The following SUN1 variants were observed in gnomAD, a reference collection of about 807,000 sequenced individuals.
SUN1 encodes the protein Sad1 and UNC84 domain containing 1.
Under a neutral mutation model 103.2 loss-of-function variants are expected in SUN1, and 61 were observed. The ratio of observed to expected loss-of-function variants is 0.59; its 90% confidence interval spans 0.48 to 0.73. The LOEUF is 0.73. Among genes scored for constraint, SUN1 ranks in the 30% least tolerant of loss-of-function variants. The probability of loss-of-function intolerance (pLI) is 0.00; values close to 1 mark genes in which losing one functional copy is unlikely to be tolerated. For synonymous variants in SUN1, 490 were observed against 425.7 expected, an observed-to-expected ratio of 1.15 and a Z score of -1.86; for missense variants, 1,052 against 1,034.6, an observed-to-expected ratio of 1.02 and a Z score of -0.23.
At chr7:836,318 A>G (rs1038215596) in intron 1 of SUN1, among the ~76,000 whole-genome samples, 5 of 152,146 alleles carry the variant, frequency 3.3e-5, no homozygotes, top group Admixed American at 1.3e-4. Flanking sequence ...AGCAGGCAGG[A>G]AGGGTGTGTC....
chr7:870,409 G>GTGA (rs1840642311), intron 17 of SUN1, among the ~76,000 whole-genome samples: 1 of 151,984 alleles, frequency 6.6e-6, no homozygotes. Context: ...GGCCAAAATG[G>GTGA]TGAAACCCTG....
chr7:856,828 T>G (rs185328516), intron 12 of SUN1, among the ~76,000 whole-genome samples: 23 of 152,268 alleles, frequency 1.5e-4, no homozygotes, highest in Middle Eastern at 6.8e-3. Context: ...CAGCCTCATC[T>G]CTGCTGCTGC....
At position 873,844 on chromosome 7, in the gene SUN1, T is replaced by G. The variant is rs184605401; in HGVS notation, c.*513T>G. On this transcript the variant is annotated 3_prime_UTR_variant, in exon 19 of 19. Transcript: ENST00000401592. Reference sequence around the variant, plus strand: ...TTTTCCTTTTTTCAGCACCAGTAGGTACTAAGTCTCCAGATGGGGAAATAA... The same window carrying G: ...TTTTCCTTTTTTCAGCACCAGTAGGGACTAAGTCTCCAGATGGGGAAATAA... 425 of 153,332 alleles carry G rather than the reference T, an allele frequency of 2.8e-3. 3 individuals are homozygous for G. Among genetic ancestry groups the G allele is most frequent in the African/African-American group, 9.2e-3 (384 of 41,590 alleles). The allele number at this position is 153,332 out of a possible 1,614,324, so 9.5% of individuals were successfully genotyped here.
At chr7:830,996 C>G, upstream of SUN1, 1 of 985,466 alleles carries the variant, frequency 1.0e-6, no homozygotes, top group Non-Finnish European at 1.2e-6. Flanking sequence ...TACATTGGAT[C>G]CAGGCCAAGG....
intron 1 of SUN1, 92 bp from the exon 2 acceptor site, chr7:838,706 G>C (rs1293608820): frequency 3.0e-5 from 39 of 1,302,418 alleles, no homozygotes; most frequent in Non-Finnish European, 3.8e-5. Context: ...AAAATCCACA[G>C]TACATTGCAC....
intron 17 of SUN1, among the ~76,000 whole-genome samples, chr7:869,925 C>T (rs915650817): frequency 2.6e-5 from 4 of 151,838 alleles, no homozygotes; most frequent in Admixed American, 2.0e-4. Context: ...TTAAAAAATA[C>T]AGTTGAGCCT....
chr7:865,305 G>A (rs1057155909), intron 15 of SUN1, among the ~76,000 whole-genome samples: 3 of 151,214 alleles, frequency 2.0e-5, no homozygotes, highest in Non-Finnish European at 3.0e-5. Context: ...ATGGGGTTTT[G>A]CTATGGGGTT....
exon 1 of SUN1, chr7:816,650 G>C (rs1045486036): frequency 3.5e-6 from 1 of 285,790 alleles, no homozygotes; most frequent in South Asian, 2.6e-5. Context: ...CGCAGACGAG[G>C]CCTGAGGCGG....
intron 17 of SUN1, among the ~76,000 whole-genome samples, chr7:870,004 G>A (rs1319260539): frequency 6.6e-6 from 1 of 150,886 alleles, no homozygotes; most frequent in Admixed American, 6.6e-5. Flanking sequence ...GACCAGCCTG[G>A]CCAAGGTGGT....
At position 866,003 on chromosome 7, in the gene SUN1, C is replaced by T. The variant is rs537612139; in HGVS notation, c.1916C>T (p.Ala639Val). 44 of 1,614,124 alleles carry T rather than the reference C, an allele frequency of 2.7e-5. No individual in the cohort carries two copies. Among genetic ancestry groups the T allele is most frequent in the South Asian group, 5.5e-5 (5 of 91,074 alleles). ...RCSETYETKT[A>V]LMSLFGIPLW... The stretch of plus-strand genomic sequence containing the variant: ...TCTGAAACTTACGAAACCAAAACGG[C>T]GCTGATGAGTCTGTTTGGGATCCCG... The change falls in exon 16 of 19, where the codon GCG (alanine) becomes GTG (valine). Residue 639 changes from alanine (A) to valine (V), a missense_variant. By Grantham distance (64) the Ala-to-Val change is moderately conservative. Around this residue, in one of 2 missense-constraint regions of SUN1, gnomAD observed 206 missense variants for 260.1 expected, o/e 0.79. Coordinates refer to ENST00000401592, the MANE Select transcript of SUN1 (RefSeq NM_001130965.3).
chr7:824,824 G>A (rs567994835), intron 1 of SUN1, among the ~76,000 whole-genome samples: 13 of 152,294 alleles, frequency 8.5e-5, no homozygotes, highest in African/African-American at 3.1e-4. Context: ...GCTGCTGATG[G>A]GGTGTGCTGG....
upstream of SUN1, among the ~76,000 whole-genome samples, chr7:827,865 G>A (rs1224020300): frequency 6.6e-6 from 1 of 152,150 alleles, no homozygotes; most frequent in Non-Finnish European, 1.5e-5. Context: ...AAGGTAAATG[G>A]TATTAAAAGA....
intron 17 of SUN1, among the ~76,000 whole-genome samples, chr7:871,514 A>G (rs1841671589): frequency 6.6e-6 from 1 of 152,246 alleles, no homozygotes; most frequent in Admixed American, 6.5e-5. Flanking sequence ...CAGCCTCCCG[A>G]GTAGCCGGGA....
chr7:837,902 G>A (rs182668375), intron 1 of SUN1, among the ~76,000 whole-genome samples: 1 of 152,332 alleles, frequency 6.6e-6, no homozygotes, highest in Non-Finnish European at 1.5e-5. Context: ...TTCTTGAGAT[G>A]ACACTGAAAT....
intron 11 of SUN1, among the ~76,000 whole-genome samples, chr7:855,747 G>A (rs1001115806): frequency 7.9e-5 from 12 of 152,174 alleles, no homozygotes; most frequent in Admixed American, 2.0e-4. Context: ...TCTGCGGGGC[G>A]CCTCCTCCTG....
rs1242001128 is a variant in SUN1 at position 838,760 on chromosome 7, T to TA, written c.78-36dup. 6 of 1,486,230 alleles carry TA rather than the reference T, an allele frequency of 4.0e-6. No individual in the cohort carries two copies. In the South Asian group the frequency reaches 6.7e-5, roughly 17 times the overall value. 92.1% of individuals were successfully genotyped at this position (1,486,230 alleles called of 1,614,324 possible). On this transcript the variant is annotated intron_variant, in intron 1 of 18. Transcript: ENST00000401592. ...TCATTTTGTTTCAGAATGGGGGCTATAAGCACTGCTTACCTCTGATGAGCT... is the reference window on the plus strand; with the variant it reads ...TCATTTTGTTTCAGAATGGGGGCTATAAAGCACTGCTTACCTCTGATGAGCT...
chr7:820,524 A>G (rs1288804857), intron 1 of SUN1, among the ~76,000 whole-genome samples: 2 of 152,244 alleles, frequency 1.3e-5, no homozygotes, highest in African/African-American at 4.8e-5. Flanking sequence ...CTGAGAATAA[A>G]GATAGTTTGA....
chr7:830,301 C>T (rs575213565), upstream of SUN1, among the ~76,000 whole-genome samples: 3 of 152,262 alleles, frequency 2.0e-5, no homozygotes, highest in South Asian at 2.1e-4. Flanking sequence ...GCCTGGGCTT[C>T]GGCGCTTGTC....
At chr7:819,055 G>A (rs1226127425) in intron 1 of SUN1, among the ~76,000 whole-genome samples, 1 of 152,018 alleles carries the variant, frequency 6.6e-6, no homozygotes, top group Admixed American at 6.6e-5. Flanking sequence ...TAGAGATGGG[G>A]TTTCTCCATG....
Sources: allele counts gnomAD v4.1 joint callset (sites outside exome capture counted in the v4.1 genomes callset), GRCh38; gene constraint gnomAD v4.1.1; regional missense constraint gnomAD v4.1.1; transcripts MANE v1.5; gene names NCBI Gene and HGNC (gene_info 2026-07-23, HGNC 2026-07-21).